The following TAPT1 variants were observed in gnomAD, a reference collection of about 807,000 sequenced individuals.
The protein encoded by TAPT1 is transmembrane anterior posterior transformation protein 1 homolog.
TAPT1 carries 28 observed loss-of-function variants against 65.6 expected under a neutral mutation model. That is an observed-to-expected ratio of 0.43 (90% CI 0.32 to 0.59). The LOEUF (loss-of-function observed/expected upper bound fraction) is 0.59, where lower values mean the gene tolerates loss of function less well. TAPT1 is among the 20% of genes least tolerant of loss of function. TAPT1 has a pLI of 0.09. For missense variants in TAPT1, 563 were observed against 679.9 expected (o/e 0.83, Z 1.91); for synonymous variants, 278 against 245.2 (o/e 1.13, Z -1.25).
At chr4:16,196,565 C>A in intron 3 of TAPT1, 1 of 540,118 alleles carries the variant, frequency 1.9e-6, no homozygotes, top group Admixed American at 2.4e-5. Flanking sequence ...TTTCTACCCC[C>A]TAATGGCTAT....
chr4:16,220,289 T>C (rs941230771), intron 1 of TAPT1, among the ~76,000 whole-genome samples: 1 of 152,240 alleles, frequency 6.6e-6, no homozygotes, highest in African/African-American at 2.4e-5. Context: ...GTCAGACTTT[T>C]GCAGTATTTC....
At chr4:16,213,743 T>A in intron 2 of TAPT1, 25 bp downstream of exon 2, 1 of 1,525,780 alleles carries the variant, frequency 6.6e-7, no homozygotes, top group East Asian at 2.4e-5. Flanking sequence ...CAAAATGATG[T>A]CTGGTAATGA....
chr4:16,206,488 A>C (rs1293139220), intron 2 of TAPT1, among the ~76,000 whole-genome samples: 1 of 152,160 alleles, frequency 6.6e-6, no homozygotes, highest in Non-Finnish European at 1.5e-5. Flanking sequence ...TGATGCAGCA[A>C]GGCAGGAGTG....
chr4:16,174,592 T>C (rs937240974), intron 10 of TAPT1, 78 bp downstream of exon 10: 2 of 1,302,570 alleles, frequency 1.5e-6, no homozygotes, highest in African/African-American at 1.5e-5. Flanking sequence ...TAATATTTCA[T>C]GCTAAATTAA....
chr4:16,177,641 T>A (rs1291581257), intron 8 of TAPT1, among the ~76,000 whole-genome samples: 1 of 152,190 alleles, frequency 6.6e-6, no homozygotes, highest in Non-Finnish European at 1.5e-5. Flanking sequence ...TGAGCTAAAT[T>A]CCAGCTTCCT....
chr4:16,170,377 C>CA (rs1747914458), intron 12 of TAPT1, among the ~76,000 whole-genome samples: 1 of 152,146 alleles, frequency 6.6e-6, no homozygotes, highest in Non-Finnish European at 1.5e-5. Context: ...TTTTATTCAT[C>CA]AAAAAAATGT....
intron 3 of TAPT1, among the ~76,000 whole-genome samples, chr4:16,195,767 G>A (rs1749673759): frequency 6.6e-6 from 1 of 152,184 alleles, no homozygotes; most frequent in African/African-American, 2.4e-5. Flanking sequence ...AGTAGAGAAA[G>A]ACGATCAAGG....
At chr4:16,189,733 G>A (rs1749246942) in intron 4 of TAPT1, among the ~76,000 whole-genome samples, 1 of 152,198 alleles carries the variant, frequency 6.6e-6, no homozygotes, top group Non-Finnish European at 1.5e-5. Flanking sequence ...TCTGCAATGT[G>A]AATACGTATA....
In TAPT1 at chr4:16,181,777, A is replaced by G. The variant is rs1247271014; in HGVS notation, c.917-2120T>C. On this transcript the variant is annotated intron_variant, in intron 7 of 13. Transcript: ENST00000405303. ...GAGACAGGGTTTCACCATGTTGGCC[A>G]AGCTGGTCTCCAACTCCTGATCTCA... Among the ~76,000 whole-genome samples, 6 of 152,296 alleles carry G rather than the reference A, an allele frequency of 3.9e-5. No homozygotes were observed. The South Asian group carries it at 1.2e-3, about 32-fold the overall frequency.
intron 7 of TAPT1, among the ~76,000 whole-genome samples, chr4:16,186,285 A>G (rs1749014801): frequency 6.6e-6 from 1 of 152,310 alleles, no homozygotes; most frequent in South Asian, 2.1e-4. Context: ...ACTTCAGAGA[A>G]ATTTCTAGAC....
rs1369745944 is a variant in TAPT1 at position 16,162,219 on chromosome 4, C to T, written c.*1089G>A. ...TCTCCAGACCCAGGCCTGCCCCATC[C>T]CCAGCACAGGCCCACCCTGATAGTC... On this transcript the variant is annotated 3_prime_UTR_variant, in exon 14 of 14. Transcript: ENST00000405303. The T allele has an allele frequency of 6.5e-6, 1 of 153,238 alleles. No individual in the cohort carries two copies. Among genetic ancestry groups the T allele is most frequent in the African/African-American group, 2.4e-5 (1 of 41,418 alleles). The allele number at this position is 153,238 out of a possible 1,614,324, so 9.5% of individuals were successfully genotyped here.
chr4:16,174,701 G>C lies in TAPT1; in HGVS notation c.1136C>G (p.Ala379Gly), dbSNP rs1016454514. 1.9e-6 allele frequency: 3 copies of C among 1,592,714 alleles called. No individual in the cohort carries two copies. In the African/African-American group the frequency reaches 4.0e-5, roughly 21 times the overall value. ...DVYSEYRASLAFDLVSSRQKN... is the reference protein window; with the variant it reads ...DVYSEYRASLGFDLVSSRQKN... ...CTGTCGGCTGCTAACAAGGTCAAAA[G>C]CAAGACTGGCTCTATATTCACTGTA... Residue 379 changes from alanine to glycine, a missense_variant, in exon 10 of 14, where the codon GCT becomes GGT. Transcript: ENST00000405303.
chr4:16,168,552 G>C (rs1747788579), intron 12 of TAPT1, among the ~76,000 whole-genome samples: 1 of 152,176 alleles, frequency 6.6e-6, no homozygotes, highest in East Asian at 1.9e-4. Flanking sequence ...GCTCTTCCCA[G>C]GTGGCTGCAC....
chr4:16,164,214 A>T (rs1196552947), intron 13 of TAPT1, among the ~76,000 whole-genome samples: 1 of 152,180 alleles, frequency 6.6e-6, no homozygotes, highest in Non-Finnish European at 1.5e-5. Flanking sequence ...ATGAGTTCTG[A>T]CATGTGCATA....
At chr4:16,201,892 G>A (rs148518667) in intron 3 of TAPT1, among the ~76,000 whole-genome samples, 119 of 152,130 alleles carry the variant, frequency 7.8e-4, no homozygotes, top group Middle Eastern at 6.8e-3. Context: ...ATGTCGGGTC[G>A]GGCTCTCTGA....
At chr4:16,212,320 C>A (rs1168368592) in intron 2 of TAPT1, among the ~76,000 whole-genome samples, 1 of 152,200 alleles carries the variant, frequency 6.6e-6, no homozygotes, top group Non-Finnish European at 1.5e-5. Flanking sequence ...ACTATCCTGT[C>A]CAAATACAGG....
At chr4:16,219,796 C>A (rs1164078646) in intron 1 of TAPT1, among the ~76,000 whole-genome samples, 1 of 152,168 alleles carries the variant, frequency 6.6e-6, no homozygotes, top group Non-Finnish European at 1.5e-5. Flanking sequence ...TATGAAAAAA[C>A]TGAGGTTCAC....
At chr4:16,175,833 T>G (rs1013420841) in intron 9 of TAPT1, among the ~76,000 whole-genome samples, 1 of 152,200 alleles carries the variant, frequency 6.6e-6, no homozygotes, top group Non-Finnish European at 1.5e-5. Flanking sequence ...CAATGTGATT[T>G]TAAAGTCTTT....
At chr4:16,187,515 T>G (rs1033709765) in intron 5 of TAPT1, among the ~76,000 whole-genome samples, 3 of 152,124 alleles carry the variant, frequency 2.0e-5, no homozygotes, top group Non-Finnish European at 4.4e-5. Context: ...GGAACAAGAT[T>G]TTACCCTCAC....
Sources: allele counts gnomAD v4.1 joint callset (sites outside exome capture counted in the v4.1 genomes callset), GRCh38; gene constraint gnomAD v4.1.1; transcripts MANE v1.5; gene names NCBI Gene and HGNC (gene_info 2026-07-23, HGNC 2026-07-21).